The following CUL3 variants were observed in gnomAD, a reference collection of about 807,000 sequenced individuals.
CUL3 encodes the protein cullin 3.
A neutral mutation model predicts 89.1 loss-of-function variants in CUL3; 19 were observed. The observed-to-expected ratio is 0.21, with a 90% CI of 0.15 to 0.31. CUL3 has a LOEUF of 0.31. CUL3 is among the 10% of genes least tolerant of loss of function. The probability of loss-of-function intolerance (pLI) is 1.00; values close to 1 mark genes in which losing one functional copy is unlikely to be tolerated. For synonymous variants in CUL3, 351 were observed against 308.4 expected (o/e 1.14, Z -1.45); for missense variants, 469 against 942.3 (o/e 0.50, Z 6.58).
At chr2:224,502,934 T>C (rs754057044) in intron 10 of CUL3, 31 bp downstream of exon 10, 2 of 1,477,654 alleles carry the variant, frequency 1.4e-6, no homozygotes, top group Non-Finnish European at 9.5e-7. Context: ...TTTACATGAA[T>C]ATCTAAGTAG....
intron 11 of CUL3, 145 bp from the exon 12 acceptor site, chr2:224,497,994 A>G: frequency 1.6e-6 from 1 of 640,902 alleles, no homozygotes; most frequent in East Asian, 2.8e-5. Context: ...TTAGGAATCA[A>G]GTTCAGTTTC....
chr2:224,488,726 A>G (rs987467505), intron 13 of CUL3, among the ~76,000 whole-genome samples: 1 of 152,226 alleles, frequency 6.6e-6, no homozygotes, highest in Non-Finnish European at 1.5e-5. Context: ...TATTCCAAAC[A>G]ATATAAAAAG....
In CUL3 at chr2:224,561,590, TTTC is replaced by T. The variant is rs565234996; in HGVS notation, c.67-3737_67-3735del. Among the ~76,000 whole-genome samples the T allele has an allele frequency of 1.4e-3, 206 of 152,330 alleles. 1 individual carries two copies. Among genetic ancestry groups the T allele is most frequent in the Middle Eastern group, 3.4e-3 (1 of 294 alleles). On this transcript the variant is annotated intron_variant, in intron 1 of 15. Coordinates refer to ENST00000264414, the MANE Select transcript of CUL3 (RefSeq NM_003590.5). ...TTGAGAAGGAACTTTAACAGAACAA[TTTC>T]TTTTCTTTTACCGAAATCCTATCCA...
At chr2:224,552,445 A>T (rs1300593945) in intron 2 of CUL3, among the ~76,000 whole-genome samples, 3 of 152,162 alleles carry the variant, frequency 2.0e-5, no homozygotes, top group Admixed American at 1.3e-4. Flanking sequence ...TCCTACCAGA[A>T]GTGCTTTTAT....
At chr2:224,475,599 C>T (rs1691290032) in intron 15 of CUL3, among the ~76,000 whole-genome samples, 1 of 152,182 alleles carries the variant, frequency 6.6e-6, no homozygotes, top group Non-Finnish European at 1.5e-5. Context: ...CAATTTATCG[C>T]CCTTCCAGGA....
intron 2 of CUL3, among the ~76,000 whole-genome samples, chr2:224,543,075 C>T (rs193049877): frequency 6.6e-6 from 1 of 152,252 alleles, no homozygotes; most frequent in Admixed American, 6.5e-5. Context: ...GGGGCAAAAT[C>T]CCAGCCAGCC....
chr2:224,492,152 G>C (rs1692007795), intron 13 of CUL3, among the ~76,000 whole-genome samples: 1 of 152,198 alleles, frequency 6.6e-6, no homozygotes, highest in Non-Finnish European at 1.5e-5. Context: ...CCTGAGAGCA[G>C]TATGTCTATT....
intron 14 of CUL3, among the ~76,000 whole-genome samples, chr2:224,481,543 G>GA (rs1691539035): frequency 6.6e-6 from 1 of 151,964 alleles, no homozygotes; most frequent in African/African-American, 2.4e-5. Context: ...TCCCAATTCT[G>GA]AAAAACTTCT....
rs1012117341 is a variant in CUL3 at position 224,474,457 on chromosome 2, C to T, written c.2176-81G>A. 2.6e-6 allele frequency: 3 copies of T among 1,159,788 alleles called. No individual in the cohort carries two copies. The African/African-American group carries it at 4.7e-5, about 18-fold the overall frequency. The allele number at this position is 1,159,788 out of a possible 1,614,324, so 71.8% of individuals were successfully genotyped here. A position where few individuals can be genotyped will look rare whatever the true frequency, so the allele number is the denominator to read the frequency against. On this transcript the variant is annotated intron_variant, in intron 15 of 15. Transcript: ENST00000264414. ...GAACAGAACTGATATGTCATTTTAA[C>T]ACTCAGAGACTGAACTTTACTAACT...
At chr2:224,540,185 T>TAGGG (rs1398043069) in intron 2 of CUL3, among the ~76,000 whole-genome samples, 1 of 151,304 alleles carries the variant, frequency 6.6e-6, no homozygotes, top group Non-Finnish European at 1.5e-5. Context: ...GCCTCACAAG[T>TAGGG]AGATGGGATT....
intron 3 of CUL3, among the ~76,000 whole-genome samples, chr2:224,532,551 TTAACA>T (rs1693734757): frequency 6.6e-6 from 1 of 151,966 alleles, no homozygotes; most frequent in Non-Finnish European, 1.5e-5. Context: ...AGGGCAAAAC[TTAACA>T]TAATAGTTGA....
chr2:224,490,968 T>C (rs1374453260), intron 13 of CUL3, among the ~76,000 whole-genome samples: 2 of 152,134 alleles, frequency 1.3e-5, no homozygotes, highest in Admixed American at 1.3e-4. Context: ...CATAAATATA[T>C]ACATGTACTA....
intron 1 of CUL3, among the ~76,000 whole-genome samples, chr2:224,573,156 C>A (rs951215691): frequency 6.6e-6 from 1 of 152,152 alleles, no homozygotes; most frequent in East Asian, 1.9e-4. Context: ...ATTTCTAATA[C>A]ATTTTACTGT....
At chr2:224,580,206 G>A (rs1200537067) in intron 1 of CUL3, among the ~76,000 whole-genome samples, 2 of 152,216 alleles carry the variant, frequency 1.3e-5, no homozygotes, top group East Asian at 1.9e-4. Context: ...TTTTGTGCAA[G>A]GCGGGAAAGC....
At position 224,527,643 on chromosome 2, in the gene CUL3, T is replaced by A. The variant is rs16866030; in HGVS notation, c.378+7885A>T. On this transcript the variant is annotated intron_variant, in intron 3 of 15. Coordinates refer to ENST00000264414, the MANE Select transcript of CUL3 (RefSeq NM_003590.5). ...TGATATAAGCAAACCTTGAACCTCA[T>A]CATTAGAAGACATCAAATAACTCTG... 8.3e-3 allele frequency among the ~76,000 whole-genome samples: 1,259 copies of A among 152,338 alleles called. 10 individuals are homozygous for A. Among genetic ancestry groups the A allele is most frequent in the African/African-American group, 0.029 (1,201 of 41,578 alleles).
chr2:224,573,325 A>T (rs1018241652), intron 1 of CUL3, among the ~76,000 whole-genome samples: 6 of 152,338 alleles, frequency 3.9e-5, no homozygotes, highest in African/African-American at 1.2e-4. Flanking sequence ...AATTTAAAGT[A>T]GCAAAGTGTT....
intron 6 of CUL3, 116 bp from the exon 7 acceptor site, chr2:224,507,119 C>A (rs1215783946): frequency 1.3e-6 from 1 of 779,626 alleles, no homozygotes; most frequent in African/African-American, 1.8e-5. Flanking sequence ...CATTTGCTGA[C>A]CACATGACTA....
rs866438129 is a variant in CUL3, at chr2:224,584,961, G to A, written c.49C>T (p.Arg17Trp). ...AGACTCACCGGAAAGGCCCGGATCC[G>A]CATCTTGGTGTCCTTCCGGCTGCCC... ...GTGSRKDTKM[R>W]IRAFPMTMDE... Residue 17 changes from arginine (R) to tryptophan (W), a missense_variant, in exon 1 of 16, where the codon CGG becomes TGG. Physicochemically the swap from Arg to Trp is moderately radical, Grantham distance 101. Coordinates refer to ENST00000264414, the MANE Select transcript of CUL3 (RefSeq NM_003590.5). 1 of 1,503,122 alleles carries A rather than the reference G, an allele frequency of 6.7e-7. No homozygotes were observed. Among genetic ancestry groups the A allele is most frequent in the Admixed American group, 1.9e-5 (1 of 53,188 alleles). The allele number at this position is 1,503,122 out of a possible 1,614,324, so 93.1% of individuals were successfully genotyped here.
At chr2:224,495,775 G>A (rs2106179138) in intron 13 of CUL3, 57 bp downstream of exon 13, 2 of 1,448,358 alleles carry the variant, frequency 1.4e-6, no homozygotes, top group Non-Finnish European at 1.9e-6. Flanking sequence ...AAAGACTCAA[G>A]TAACAAGTGA....
Sources: gnomAD v4.1 joint callset for allele counts (sites outside exome capture counted in the v4.1 genomes callset) on GRCh38, gnomAD v4.1.1 for gene constraint, MANE v1.5 for transcripts, NCBI Gene and HGNC (gene_info 2026-07-23, HGNC 2026-07-21) for gene names.